Variants in GSE1 observed in about 807,000 individuals in gnomAD.
GSE1 encodes the protein genetic suppressor element 1.
A neutral mutation model predicts 112.6 loss-of-function variants in GSE1; 32 were observed. That is an observed-to-expected ratio of 0.28 (90% CI 0.21 to 0.38). GSE1 has a LOEUF of 0.38. Ranked by LOEUF, GSE1 falls within the 10% of genes least tolerant of loss-of-function variation. The pLI is 1.00. For missense variants in GSE1, 2,348 were observed against 1,699.2 expected (o/e 1.38, Z -6.71); for synonymous variants, 1,115 against 735.6 (o/e 1.52, Z -8.35).
chr16:85,496,640 G>A (rs2051187985), intron 2 of GSE1, among the ~76,000 whole-genome samples: 2 of 152,250 alleles, frequency 1.3e-5, no homozygotes, highest in Admixed American at 1.3e-4. Flanking sequence ...AGGGAGCTGG[G>A]ACCATGCTGT....
chr16:85,182,940 G>A (rs546941570), intron 1 of GSE1, among the ~76,000 whole-genome samples: 33 of 152,086 alleles, frequency 2.2e-4, no homozygotes, highest in Non-Finnish European at 4.3e-4. Context: ...CACCACGCTC[G>A]CACACTTGTA....
At chr16:85,177,431 G>A (rs539790891) in intron 1 of GSE1, among the ~76,000 whole-genome samples, 2 of 152,320 alleles carry the variant, frequency 1.3e-5, no homozygotes, top group Admixed American at 6.5e-5. Flanking sequence ...GGAGAAGAGC[G>A]TTGCAGGACT....
chr16:85,269,047 T>C (rs1908560056), intron 1 of GSE1, among the ~76,000 whole-genome samples: 1 of 149,266 alleles, frequency 6.7e-6, no homozygotes. Context: ...TCCTGGACAG[T>C]GACCCTGGGG....
intron 1 of GSE1, among the ~76,000 whole-genome samples, chr16:85,235,016 A>C (rs1199489297): frequency 6.6e-6 from 1 of 151,710 alleles, no homozygotes; most frequent in Non-Finnish European, 1.5e-5. Flanking sequence ...GGCTCCTCGC[A>C]TCCCCAGGAC....
intron 2 of GSE1, among the ~76,000 whole-genome samples, chr16:85,431,567 C>T (rs911253536): frequency 5.9e-5 from 9 of 152,220 alleles, no homozygotes; most frequent in Admixed American, 4.6e-4. Flanking sequence ...GCTGGAAAGT[C>T]GCCTCCGGGG....
chr16:85,186,089 C>T (rs1025540624), intron 1 of GSE1, among the ~76,000 whole-genome samples: 1 of 152,190 alleles, frequency 6.6e-6, no homozygotes, highest in Non-Finnish European at 1.5e-5. Flanking sequence ...GTTCTATGTC[C>T]CCCTAGGCTT....
intron 2 of GSE1, among the ~76,000 whole-genome samples, chr16:85,392,556 G>A (rs1254928024): frequency 1.3e-5 from 2 of 152,184 alleles, no homozygotes; most frequent in South Asian, 2.1e-4. Flanking sequence ...CTTTAAATGG[G>A]ATCATATGGG....
At chr16:85,538,061 C>T (rs950861136) in intron 2 of GSE1, among the ~76,000 whole-genome samples, 1 of 152,224 alleles carries the variant, frequency 6.6e-6, no homozygotes, top group Non-Finnish European at 1.5e-5. Context: ...CCACTGGCCA[C>T]CCGGCTGGAT....
At chr16:85,590,261 T>C (rs1183390525) in intron 1 of GSE1, among the ~76,000 whole-genome samples, 1 of 151,654 alleles carries the variant, frequency 6.6e-6, no homozygotes, top group Non-Finnish European at 1.5e-5. Context: ...CGCGTGTGAA[T>C]GAGTGTGAAC....
At chr16:85,620,415 A>C (rs1381886789) in intron 1 of GSE1, among the ~76,000 whole-genome samples, 1 of 152,236 alleles carries the variant, frequency 6.6e-6, no homozygotes, top group Non-Finnish European at 1.5e-5. Context: ...TGCATTTGAC[A>C]TGTGGTATTT....
At chr16:85,178,698 C>T (rs2074518614) in intron 1 of GSE1, among the ~76,000 whole-genome samples, 1 of 151,924 alleles carries the variant, frequency 6.6e-6, no homozygotes. Context: ...GTGTCCCAGG[C>T]ACTGTTCTAG....
chr16:85,559,129 G>A (rs1034040859), intron 1 of GSE1, among the ~76,000 whole-genome samples: 5 of 152,144 alleles, frequency 3.3e-5, no homozygotes, highest in Admixed American at 2.0e-4. Flanking sequence ...CCTTGGGCTG[G>A]GATTACAGGC....
intron 1 of GSE1, among the ~76,000 whole-genome samples, chr16:85,228,961 A>T (rs1368880617): frequency 6.6e-6 from 1 of 152,192 alleles, no homozygotes; most frequent in Non-Finnish European, 1.5e-5. Flanking sequence ...GCTGGGCAGG[A>T]CCTGGGCATC....
At chr16:85,528,410 C>T (rs2052429441) in intron 2 of GSE1, among the ~76,000 whole-genome samples, 2 of 152,040 alleles carry the variant, frequency 1.3e-5, no homozygotes, top group African/African-American at 4.8e-5. Context: ...TTCCTGGGCT[C>T]ATGGGATCCT....
intron 1 of GSE1, among the ~76,000 whole-genome samples, chr16:85,337,375 G>A (rs1389078788): frequency 2.0e-5 from 3 of 148,008 alleles, no homozygotes; most frequent in East Asian, 2.0e-4. Context: ...GCGCGATCTC[G>A]GCTCACTGCA....
intron 2 of GSE1, among the ~76,000 whole-genome samples, chr16:85,483,331 G>A (rs2050739574): frequency 6.6e-6 from 1 of 152,270 alleles, no homozygotes; most frequent in Non-Finnish European, 1.5e-5. Context: ...ACAGAAACGG[G>A]GCAGAGGGGA....
intron 1 of GSE1, among the ~76,000 whole-genome samples, chr16:85,322,614 CTTTT>C (rs34218941): frequency 3.2e-5 from 4 of 126,224 alleles, no homozygotes; most frequent in Non-Finnish European, 5.0e-5. Flanking sequence ...CTCCATTTTG[CTTTT>C]TTTTTTTTTT....
chr16:85,259,877 T>C (rs4258599), intron 1 of GSE1, among the ~76,000 whole-genome samples: 61,416 of 152,088 alleles, frequency 0.4, 13,172 homozygotes, highest in African/African-American at 0.55. Flanking sequence ...AGATGGGGGC[T>C]GAGGACATCT....
At chr16:85,268,827 T>G (rs1908529456) in intron 1 of GSE1, among the ~76,000 whole-genome samples, 1 of 152,106 alleles carries the variant, frequency 6.6e-6, no homozygotes, top group Non-Finnish European at 1.5e-5. Context: ...CAGGTGGACT[T>G]TGGGACCCCC....
Sources: gnomAD v4.1 joint callset for allele counts (sites outside exome capture counted in the v4.1 genomes callset) on GRCh38, gnomAD v4.1.1 for gene constraint, MANE v1.5 for transcripts, NCBI Gene and HGNC (gene_info 2026-07-23, HGNC 2026-07-21) for gene names.